The following BIRC6 variants were observed in gnomAD, a reference collection of about 807,000 sequenced individuals.
BIRC6 encodes the protein dual E2 ubiquitin-conjugating enzyme/E3 ubiquitin-protein ligase BIRC6.
In BIRC6, 98 loss-of-function variants were observed where a neutral mutation model predicts 503.3. That is an observed-to-expected ratio of 0.19 (90% CI 0.17 to 0.23). The LOEUF is 0.23. BIRC6 is among the 10% of genes least tolerant of loss of function. The probability of loss-of-function intolerance (pLI) is 1.00; values close to 1 mark genes in which losing one functional copy is unlikely to be tolerated. For synonymous variants in BIRC6, 2,240 were observed against 2,078.7 expected, an observed-to-expected ratio of 1.08 and a Z score of -2.11; for missense variants, 5,360 against 5,806.0, an observed-to-expected ratio of 0.92 and a Z score of 2.50.
At chr2:32,524,837 C>T in intron 57 of BIRC6, 51 bp from the exon 58 acceptor site, 12 of 1,179,560 alleles carry the variant, frequency 1.0e-5, no homozygotes, top group South Asian at 6.7e-5. Flanking sequence ...TATTACTTCT[C>T]TTCTTAATGA....
At chr2:32,394,337 G>A (rs923270264) in intron 5 of BIRC6, among the ~76,000 whole-genome samples, 2 of 151,876 alleles carry the variant, frequency 1.3e-5, no homozygotes, top group East Asian at 1.9e-4. Flanking sequence ...ATTAATATTA[G>A]TTTTCAGGTA....
At chr2:32,567,931 C>G (rs996995193) in intron 65 of BIRC6, among the ~76,000 whole-genome samples, 2 of 152,076 alleles carry the variant, frequency 1.3e-5, no homozygotes, top group African/African-American at 2.4e-5. Flanking sequence ...GAAAACCCTT[C>G]TCTACTAAAA....
intron 1 of BIRC6, among the ~76,000 whole-genome samples, chr2:32,362,614 A>G (rs1353485200): frequency 6.6e-6 from 1 of 151,854 alleles, no homozygotes; most frequent in Non-Finnish European, 1.5e-5. Flanking sequence ...CACCTCACCC[A>G]GCCTGACTTT....
rs1553517247 is a variant in BIRC6, at chr2:32,578,996, A to ATATATAT, written c.13355+3630_13355+3631insTATATAT. On this transcript the variant is annotated intron_variant, in intron 66 of 73. Transcript: ENST00000421745. The stretch of plus-strand genomic sequence containing the variant: ...ATATACCTAATATATATATACACTT[A>ATATATAT]ATATATATATATACCTAATATATAT... Among the ~76,000 whole-genome samples, 48 of 48,550 alleles carry ATATATAT rather than the reference A, an allele frequency of 9.9e-4. 1 individual carries two copies. The highest frequency in any genetic ancestry group is 3.9e-3 in the African/African-American group (36 of 9,160). 31.9% of individuals were successfully genotyped at this position (48,550 alleles called of 152,430 possible). A position where few individuals can be genotyped will look rare whatever the true frequency, so the allele number is the denominator to read the frequency against.
At chr2:32,455,454 C>A (rs986746960) in intron 23 of BIRC6, among the ~76,000 whole-genome samples, 1 of 150,852 alleles carries the variant, frequency 6.6e-6, no homozygotes, top group African/African-American at 2.4e-5. Flanking sequence ...AACCTCGTCT[C>A]TACTAAAAAT....
rs1297803133 is a variant in BIRC6, at chr2:32,461,169, CCT to C, written c.4754-2021_4754-2020del. On this transcript the variant is annotated intron_variant, in intron 23 of 73. Transcript: ENST00000421745. The stretch of plus-strand genomic sequence containing the variant: ...TCCCCTCCCCTCCCCTCTCCCCTCC[CCT>C]CTCCCCTCCCCTCTCCCCTCCCCTT... 2.3e-4 allele frequency among the ~76,000 whole-genome samples: 5 copies of C among 21,666 alleles called. 2 individuals carry two copies. Among genetic ancestry groups the C allele is most frequent in the African/African-American group, 1.0e-3 (5 of 5,020 alleles). The allele number at this position is 21,666 out of a possible 152,430, so 14.2% of individuals were successfully genotyped here.
chr2:32,487,951 A>G, intron 41 of BIRC6, 150 bp downstream of exon 41: 5 of 669,364 alleles, frequency 7.5e-6, no homozygotes, highest in Non-Finnish European at 1.2e-5. Flanking sequence ...TTGATTACCA[A>G]AGTAATCACA....
chr2:32,544,656 TTAATC>T (rs1340389561), intron 62 of BIRC6, among the ~76,000 whole-genome samples: 3 of 151,852 alleles, frequency 2.0e-5, no homozygotes, highest in East Asian at 1.9e-4. Context: ...CAAAGTATAT[TTAATC>T]TAATAAAACT....
chr2:32,529,469 T>C, intron 59 of BIRC6, 182 bp from the exon 60 acceptor site: 1 of 525,890 alleles, frequency 1.9e-6, no homozygotes, highest in Non-Finnish European at 3.2e-6. Flanking sequence ...TTGTTCATTA[T>C]TATATGTCAG....
chr2:32,507,941 C>T (rs1398807419), intron 50 of BIRC6, 39 bp from the exon 51 acceptor site: 1 of 1,583,610 alleles, frequency 6.3e-7, no homozygotes, highest in Non-Finnish European at 8.6e-7. Flanking sequence ...ATCTAGTATA[C>T]TTTGTCTTTT....
rs1428785175 is a variant in BIRC6 at position 32,595,118 on chromosome 2, T to C, written c.13586T>C (p.Val4529Ala). Residue 4529 changes from valine to alanine, a missense_variant, in exon 68 of 74, where the codon GTG becomes GCG. Physicochemically the swap from Val to Ala is moderately conservative, Grantham distance 64. Around this residue, in one of 16 missense-constraint regions of BIRC6, gnomAD observed 477 missense variants for 574.4 expected, o/e 0.83. Transcript: ENST00000421745. ...SVLKSLEEKY[V>A]AVMKKLQFDT... Reference sequence around the variant, plus strand: ...TTAAAGTCACTTGAAGAAAAATATGTGGCTGTTATGAAGAAATTACAGTTT... The same window carrying C: ...TTAAAGTCACTTGAAGAAAAATATGCGGCTGTTATGAAGAAATTACAGTTT... 6.3e-7 allele frequency: 1 copy of C among 1,594,426 alleles called. No individual in the cohort carries two copies. The highest frequency in any genetic ancestry group is 1.4e-5 in the African/African-American group (1 of 73,980).
chr2:32,542,854 C>T (rs1238871975), intron 61 of BIRC6, among the ~76,000 whole-genome samples: 3 of 152,082 alleles, frequency 2.0e-5, no homozygotes, highest in Admixed American at 6.6e-5. Flanking sequence ...GGCTGGAGTG[C>T]GGTGGTGTGA....
At chr2:32,578,522 G>T (rs921987051) in intron 66 of BIRC6, among the ~76,000 whole-genome samples, 1 of 152,118 alleles carries the variant, frequency 6.6e-6, no homozygotes, top group African/African-American at 2.4e-5. Context: ...ACGGCCGGGT[G>T]CAGTGGCTCA....
rs1260431234 is a variant in BIRC6, at chr2:32,617,776, G to C, written c.14446G>C (p.Gly4816Arg). 4.3e-6 allele frequency: 7 copies of C among 1,613,902 alleles called. No homozygotes were observed. In the African/African-American group the frequency reaches 5.3e-5, roughly 12 times the overall value. Residue 4816 changes from glycine to arginine, a missense_variant, in exon 74 of 74, where the codon GGC becomes CGC. Around this residue, in one of 16 missense-constraint regions of BIRC6, gnomAD observed 140 missense variants for 130.2 expected, o/e 1.07. Coordinates refer to ENST00000421745, the MANE Select transcript of BIRC6 (RefSeq NM_016252.4). ...EELLKLPCPE[G>R]LDPDTDDAPE... ...GTTGCTGAAACTTCCCTGCCCTGAA[G>C]GCTTGGATCCTGACACTGACGATGC... is the stretch of plus-strand genomic sequence containing the variant.
chr2:32,521,329 T>A (rs2055642750), intron 57 of BIRC6, among the ~76,000 whole-genome samples: 1 of 108,460 alleles, frequency 9.2e-6, no homozygotes, highest in Non-Finnish European at 1.7e-5. Context: ...GCCCATGAGT[T>A]CCAGACCACC....
chr2:32,532,603 T>C (rs1202165258), intron 61 of BIRC6, among the ~76,000 whole-genome samples: 1 of 152,142 alleles, frequency 6.6e-6, no homozygotes, highest in African/African-American at 2.4e-5. Flanking sequence ...TCATAGGTGC[T>C]AGGGGTTAGG....
chr2:32,420,889 A>G (rs562457519), intron 10 of BIRC6, among the ~76,000 whole-genome samples: 1 of 111,238 alleles, frequency 9.0e-6, no homozygotes, highest in Non-Finnish European at 2.0e-5. Context: ...GATGATTTGT[A>G]TTTTTTTTTT....
intron 65 of BIRC6, among the ~76,000 whole-genome samples, chr2:32,555,365 G>A (rs2058700168): frequency 6.6e-6 from 1 of 152,120 alleles, no homozygotes; most frequent in South Asian, 2.1e-4. Context: ...AATAGGCCGG[G>A]TGAAGTGGCT....
At chr2:32,494,444 T>A (rs1018815142) in intron 45 of BIRC6, among the ~76,000 whole-genome samples, 207 of 151,790 alleles carry the variant, frequency 1.4e-3, no homozygotes, top group African/African-American at 4.8e-3. Context: ...GCCAGGGTGG[T>A]CTCGATCTCC....
Sources: allele counts gnomAD v4.1 joint callset (sites outside exome capture counted in the v4.1 genomes callset), GRCh38; gene constraint gnomAD v4.1.1; regional missense constraint gnomAD v4.1.1; transcripts MANE v1.5; gene names NCBI Gene and HGNC (gene_info 2026-07-23, HGNC 2026-07-21).